The following COLGALT2 variants were observed in gnomAD, a reference collection of about 807,000 sequenced individuals.
The protein encoded by COLGALT2 is procollagen galactosyltransferase 2.
In COLGALT2, 49 loss-of-function variants were observed where a neutral mutation model predicts 73.4. The ratio of observed to expected loss-of-function variants is 0.67; its 90% CI spans 0.53 to 0.85. The LOEUF (loss-of-function observed/expected upper bound fraction) is 0.85. Among genes scored for constraint, COLGALT2 ranks in the 40% least tolerant of loss-of-function variants. COLGALT2 has a pLI of 0.00. For missense variants in COLGALT2, 722 were observed against 790.2 expected (o/e 0.91, Z 1.03); for synonymous variants, 295 against 307.6 (o/e 0.96, Z 0.43).
At chr1:183,968,011 T>C (rs1670928320) in intron 5 of COLGALT2, among the ~76,000 whole-genome samples, 1 of 152,236 alleles carries the variant, frequency 6.6e-6, no homozygotes, top group South Asian at 2.1e-4. Flanking sequence ...CTACAACTGA[T>C]GAGTGGGACA....
chr1:183,935,471 C>T (rs1669929133), downstream of COLGALT2, among the ~76,000 whole-genome samples: 1 of 152,126 alleles, frequency 6.6e-6, no homozygotes, highest in African/African-American at 2.4e-5. Flanking sequence ...TGTTATTTTT[C>T]CCCAGGAAAA....
intron 7 of COLGALT2, 101 bp from the exon 8 acceptor site, chr1:183,951,214 G>A (rs866560084): frequency 1.7e-5 from 13 of 775,502 alleles, no homozygotes; most frequent in South Asian, 9.5e-5. Flanking sequence ...AGAAGGAGTG[G>A]AAAAGATAGG....
intron 1 of COLGALT2, among the ~76,000 whole-genome samples, chr1:184,017,150 A>C (rs1384226192): frequency 6.6e-6 from 1 of 152,226 alleles, no homozygotes; most frequent in Non-Finnish European, 1.5e-5. Flanking sequence ...CTCTCTGTTC[A>C]TAGTACTGCC....
downstream of COLGALT2, among the ~76,000 whole-genome samples, chr1:183,931,828 T>C (rs1164796360): frequency 6.9e-6 from 1 of 144,408 alleles, no homozygotes; most frequent in African/African-American, 2.6e-5. Flanking sequence ...GAAGACTGAA[T>C]GATTTAAGCT....
chr1:183,984,382 G>A (rs1671432723), intron 1 of COLGALT2, among the ~76,000 whole-genome samples: 1 of 152,218 alleles, frequency 6.6e-6, no homozygotes, highest in East Asian at 1.9e-4. Context: ...TCCAGCCTGG[G>A]TGAGAGAGTG....
intron 2 of COLGALT2, among the ~76,000 whole-genome samples, chr1:183,977,861 G>GAAAAT (rs1202139082): frequency 6.1e-5 from 9 of 147,572 alleles, no homozygotes; most frequent in Non-Finnish European, 1.3e-4. Context: ...GCGAAGAAAA[G>GAAAAT]AAAAGAAAGA....
chr1:183,940,254 A>G (rs1670071093), intron 11 of COLGALT2, among the ~76,000 whole-genome samples: 1 of 152,248 alleles, frequency 6.6e-6, no homozygotes, highest in Non-Finnish European at 1.5e-5. Context: ...TGAGGTGCTT[A>G]GGAAGATGGC....
intron 1 of COLGALT2, among the ~76,000 whole-genome samples, chr1:184,036,718 T>C (rs565864852): frequency 6.6e-6 from 1 of 152,316 alleles, no homozygotes; most frequent in Admixed American, 6.5e-5. Context: ...ACGTCAGGGC[T>C]AGCAGTATGA....
At position 183,989,795 on chromosome 1, in the gene COLGALT2, G is replaced by T. The variant is rs114029576; in HGVS notation, c.264-11275C>A. 8.4e-3 allele frequency among the ~76,000 whole-genome samples: 1,278 copies of T among 152,270 alleles called. 15 individuals carry two copies. Among genetic ancestry groups the T allele is most frequent in the African/African-American group, 0.028 (1,161 of 41,550 alleles). On this transcript the variant is annotated intron_variant, in intron 1 of 11. Transcript: ENST00000361927. ...CTTAATGAATTTACTTGAACTCTCT[G>T]TGCTTTGTTTTTCCATCTGTAAAAT...
At chr1:184,026,174 G>A (rs990297425) in intron 1 of COLGALT2, among the ~76,000 whole-genome samples, 3 of 152,068 alleles carry the variant, frequency 2.0e-5, no homozygotes, top group African/African-American at 4.8e-5. Flanking sequence ...GCACACTAGG[G>A]AAAAATGAAA....
rs555276589 is a variant in COLGALT2 at position 184,017,308 on chromosome 1, T to C, written c.263+19787A>G. Among the ~76,000 whole-genome samples, 18 of 152,354 alleles carry C rather than the reference T, an allele frequency of 1.2e-4. 1 individual carries two copies. Among genetic ancestry groups the C allele is most frequent in the African/African-American group, 4.1e-4 (17 of 41,584 alleles). On this transcript the variant is annotated intron_variant, in intron 1 of 11. Transcript: ENST00000361927. Reference sequence around the variant, plus strand: ...AAGTATGTTTCTGGCAGTTTTGTTTTGACAAGGCATAGAGAGAATTAAGTC... The same window carrying C: ...AAGTATGTTTCTGGCAGTTTTGTTTCGACAAGGCATAGAGAGAATTAAGTC...
intron 8 of COLGALT2, among the ~76,000 whole-genome samples, chr1:183,949,200 G>C (rs1022543899): frequency 6.6e-6 from 1 of 152,082 alleles, no homozygotes; most frequent in Non-Finnish European, 1.5e-5. Context: ...CAAAATCCCA[G>C]CTGCCGTTTT....
chr1:184,029,484 T>C lies in COLGALT2; in HGVS notation c.263+7611A>G, dbSNP rs966277582. ...CAAGTCAAAGAAAGACAGCGGGGAC[T>C]AACTGCAAGTGCACACAGTGTGGGT... On this transcript the variant is annotated intron_variant, in intron 1 of 11. Coordinates refer to ENST00000361927, the MANE Select transcript of COLGALT2 (RefSeq NM_015101.4). Among the ~76,000 whole-genome samples, 14 of 152,166 alleles carry C rather than the reference T, an allele frequency of 9.2e-5. 1 individual carries two copies. The highest frequency in any genetic ancestry group is 1.3e-4 in the Non-Finnish European group (9 of 68,026).
At chr1:183,963,255 G>A (rs920443540) in intron 6 of COLGALT2, among the ~76,000 whole-genome samples, 1 of 152,190 alleles carries the variant, frequency 6.6e-6, no homozygotes. Flanking sequence ...TTGTTTAGCA[G>A]AATGATCTAG....
intron 1 of COLGALT2, among the ~76,000 whole-genome samples, chr1:184,008,022 C>G (rs909289678): frequency 6.6e-6 from 1 of 152,200 alleles, no homozygotes; most frequent in African/African-American, 2.4e-5. Context: ...GGAAAAATTA[C>G]TTATTAATCT....
chr1:184,015,839 A>T (rs149785083), intron 1 of COLGALT2, among the ~76,000 whole-genome samples: 1 of 152,322 alleles, frequency 6.6e-6, no homozygotes, highest in East Asian at 1.9e-4. Flanking sequence ...TCTACGTGAA[A>T]CTATAAGGAG....
At chr1:183,979,507 G>A (rs2986558) in intron 1 of COLGALT2, among the ~76,000 whole-genome samples, 89,158 of 151,894 alleles carry the variant, frequency 0.59, 29,839 homozygotes, top group Non-Finnish European at 0.76. Flanking sequence ...TCTTTCAAGC[G>A]ATAGATAGTA....
intron 1 of COLGALT2, among the ~76,000 whole-genome samples, chr1:184,007,352 A>G (rs74130985): frequency 0.017 from 2,582 of 152,266 alleles, 74 homozygotes; most frequent in African/African-American, 0.059. Flanking sequence ...TGTCTCAACA[A>G]CTCTAAAAGA....
chr1:184,020,623 A>G (rs77447098), intron 1 of COLGALT2, among the ~76,000 whole-genome samples: 21,642 of 151,882 alleles, frequency 0.14, 1,850 homozygotes, highest in Non-Finnish European at 0.19. Flanking sequence ...TATACAGCGT[A>G]CTCTCCTATC....
Sources: gnomAD v4.1 joint callset for allele counts (sites outside exome capture counted in the v4.1 genomes callset) on GRCh38, gnomAD v4.1.1 for gene constraint, MANE v1.5 for transcripts, NCBI Gene and HGNC (gene_info 2026-07-23, HGNC 2026-07-21) for gene names.